The following DIABLO variants were observed in gnomAD, a reference collection of about 807,000 sequenced individuals.
DIABLO encodes the protein diablo IAP-binding mitochondrial protein.
In DIABLO, 32 loss-of-function variants were observed where a neutral mutation model predicts 31.7. The observed-to-expected ratio is 1.01, with a 90% confidence interval of 0.76 to 1.35. The LOEUF is 1.35. Among genes scored for constraint, DIABLO ranks in the 40% most tolerant of loss-of-function variants. The pLI, the probability that DIABLO is intolerant of heterozygous loss-of-function variation, is 0.00. For synonymous variants in DIABLO, 132 were observed against 103.2 expected, an observed-to-expected ratio of 1.28 and a Z score of -1.69; for missense variants, 316 against 286.4, an observed-to-expected ratio of 1.10 and a Z score of -0.75.
intron 2 of DIABLO, among the ~76,000 whole-genome samples, chr12:122,223,230 T>C (rs550807746): frequency 6.6e-6 from 1 of 151,784 alleles, no homozygotes; most frequent in Non-Finnish European, 1.5e-5. Flanking sequence ...AGGTCAGGGG[T>C]TCGTGACCAG....
At chr12:122,209,356 CAAAAA>C (rs893723674) in intron 5 of DIABLO, among the ~76,000 whole-genome samples, 1 of 127,760 alleles carries the variant, frequency 7.8e-6, no homozygotes, top group South Asian at 2.3e-4. Context: ...GACTCCGTCT[CAAAAA>C]AAAAAGAAAA....
At chr12:122,227,342 C>T (rs751330919), upstream of DIABLO, 2 of 453,302 alleles carry the variant, frequency 4.4e-6, no homozygotes, top group South Asian at 1.6e-5. Flanking sequence ...TCCTTCTCTC[C>T]CCACCTCACT....
intron 2 of DIABLO, chr12:122,222,158 A>G (rs1330155135): frequency 6.6e-6 from 1 of 152,184 alleles, no homozygotes; most frequent in East Asian, 1.9e-4. Flanking sequence ...TGCCACTTTT[A>G]TATCAACTAC....
intron 5 of DIABLO, among the ~76,000 whole-genome samples, chr12:122,214,802 A>AC (rs1954168596): frequency 6.6e-6 from 1 of 151,342 alleles, no homozygotes; most frequent in Non-Finnish European, 1.5e-5. Context: ...TGCAGCCTCC[A>AC]CCCCCTGGGT....
At position 122,218,287 on chromosome 12, in the gene DIABLO, T is replaced by G; in HGVS notation, c.294A>C (p.Glu98Asp). 1 of 1,614,130 alleles carries G rather than the reference T, an allele frequency of 6.2e-7. No individual in the cohort carries two copies. Among genetic ancestry groups the G allele is most frequent in the Non-Finnish European group, 8.5e-7 (1 of 1,180,014 alleles). The change falls in exon 3 of 6, where the codon GAA becomes GAC. Residue 98 changes from glutamate to aspartate, a missense_variant. Transcript: ENST00000464942. The stretch of plus-strand genomic sequence containing the variant: ...ATACCTTAGTATATTCAGTAATAGC[T>G]TCAATCAACGCATATGTGGTCTGAG... ...FLSQTTYALI[E>D]AITEYTKAVY... is the part of the protein sequence containing the mutation.
At chr12:122,221,751 G>C in intron 2 of DIABLO, 1 of 152,086 alleles carries the variant, frequency 6.6e-6, no homozygotes, top group East Asian at 1.9e-4. Context: ...TAAATGACTA[G>C]AGACCCCAGT....
chr12:122,226,235 C>A, upstream of DIABLO: 1 of 767,000 alleles, frequency 1.3e-6, no homozygotes, highest in Non-Finnish European at 2.2e-6. Context: ...CCGCGCGGGG[C>A]GGGGCATATG....
chr12:122,227,451 A>T (rs1954500792), upstream of DIABLO: 1 of 454,002 alleles, frequency 2.2e-6, no homozygotes, highest in Non-Finnish European at 4.4e-6. Flanking sequence ...CGATCTCGGC[A>T]GAACTGAGAT....
chr12:122,219,026 A>G (rs1244472624), intron 2 of DIABLO, among the ~76,000 whole-genome samples: 4 of 150,856 alleles, frequency 2.7e-5, no homozygotes, highest in African/African-American at 9.8e-5. Context: ...CGAGGTCAGG[A>G]GATTGAGACG....
In DIABLO at chr12:122,208,504, C is replaced by A; in HGVS notation, c.597G>T (p.Gln199His). 6.2e-7 allele frequency: 1 copy of A among 1,614,126 alleles called. No individual in the cohort carries two copies. The highest frequency in any genetic ancestry group is 8.5e-7 in the Non-Finnish European group (1 of 1,180,038). The stretch of plus-strand genomic sequence containing the variant: ...GCTTGGTTTCTGCTTTCCGGGAGAG[C>A]TGGTGCACCTCTTCCACCTGCAGTT... ...LVKLQVEEVH[Q>H]LSRKAETKLA... Residue 199 changes from glutamine to histidine, a missense_variant, in exon 6 of 6, where the codon CAG (glutamine) becomes CAT (histidine). Physicochemically the swap from Gln to His is conservative, Grantham distance 24. Transcript: ENST00000464942.
intron 5 of DIABLO, among the ~76,000 whole-genome samples, chr12:122,215,769 G>A (rs999862196): frequency 6.6e-6 from 1 of 151,572 alleles, no homozygotes; most frequent in East Asian, 1.9e-4. Context: ...TGGCTCCGTG[G>A]CTCATGCCTA....
chr12:122,216,601 A>G lies in DIABLO; in HGVS notation c.427-17T>C. The G allele has an allele frequency of 3.1e-6, 5 of 1,612,372 alleles. 1 individual carries two copies. The highest frequency in any genetic ancestry group is 4.2e-6 in the Non-Finnish European group (5 of 1,178,390). On this transcript the variant is annotated splice_polypyrimidine_tract_variant and intron_variant, in intron 4 of 5. Coordinates refer to ENST00000464942, the MANE Select transcript of DIABLO (RefSeq NM_001371333.1). ...TGAAGTCATCTATATAAATCAAGCA[A>G]AGTGCTTCAGACAGCATAAGAGGTC... is the stretch of plus-strand genomic sequence containing the variant.
At chr12:122,209,878 A>G (rs1411839803) in intron 5 of DIABLO, 2 of 695,186 alleles carry the variant, frequency 2.9e-6, no homozygotes, top group African/African-American at 3.5e-5. Context: ...CACACAATTA[A>G]GTAGGATTAC....
At chr12:122,224,476 G>C in intron 2 of DIABLO, 36 bp downstream of exon 2, 1 of 1,613,444 alleles carries the variant, frequency 6.2e-7, no homozygotes, top group Non-Finnish European at 8.5e-7. Context: ...AAGAGGACAC[G>C]GTACACTAGA....
At chr12:122,214,847 C>T (rs1344843170) in intron 5 of DIABLO, among the ~76,000 whole-genome samples, 1 of 152,166 alleles carries the variant, frequency 6.6e-6, no homozygotes, top group African/African-American at 2.4e-5. Context: ...TGTGCCACTA[C>T]ACCTGGCTAA....
In DIABLO at chr12:122,208,359, A is replaced by G. The variant is rs763100559; in HGVS notation, c.*22T>C. 4 of 1,610,582 alleles carry G rather than the reference A, an allele frequency of 2.5e-6. No homozygotes were observed. The South Asian group carries it at 3.3e-5, about 13-fold the overall frequency. ...CCTGCTTTCCCCACTGAGTGGGGAG[A>G]CAGGGCAGTGTGCTCAGGCCCTCAA... On this transcript the variant is annotated 3_prime_UTR_variant, in exon 6 of 6. Transcript: ENST00000464942.
chr12:122,226,753 C>T (rs199885739), upstream of DIABLO: 241 of 563,528 alleles, frequency 4.3e-4, no homozygotes, highest in East Asian at 4.6e-3. Flanking sequence ...TCCTTCTCAA[C>T]CCAAACTGCC....
At chr12:122,225,460 G>A (rs1954437750) in intron 1 of DIABLO, 1 of 1,008,226 alleles carries the variant, frequency 9.9e-7, no homozygotes, top group East Asian at 1.0e-4. Flanking sequence ...CGCTCCTGCA[G>A]GCAGAATTTA....
intron 5 of DIABLO, among the ~76,000 whole-genome samples, chr12:122,211,124 GCA>G (rs1012803095): frequency 1.4e-5 from 2 of 140,518 alleles, no homozygotes; most frequent in African/African-American, 5.5e-5. Context: ...TCACAGACGG[GCA>G]CAGTGGCTCA....
Sources: allele counts gnomAD v4.1 joint callset (sites outside exome capture counted in the v4.1 genomes callset), GRCh38; gene constraint gnomAD v4.1.1; transcripts MANE v1.5; gene names NCBI Gene and HGNC (gene_info 2026-07-23, HGNC 2026-07-21).